The following PELP1 variants were observed in gnomAD, a reference collection of about 807,000 sequenced individuals.
PELP1 encodes the protein proline, glutamate and leucine rich protein 1, also known as proline-, glutamic acid- and leucine-rich protein 1.
Under a neutral mutation model 95.5 loss-of-function variants are expected in PELP1, and 32 were observed. That is an observed-to-expected ratio of 0.34 (90% CI 0.25 to 0.45). The LOEUF (loss-of-function observed/expected upper bound fraction) is 0.45. Among genes scored for constraint, PELP1 ranks in the 20% least tolerant of loss-of-function variants. The probability of loss-of-function intolerance (pLI) is 1.00; values close to 1 mark genes in which losing one functional copy is unlikely to be tolerated. For synonymous variants in PELP1, 668 were observed against 600.1 expected, an observed-to-expected ratio of 1.11 and a Z score of -1.65; for missense variants, 1,358 against 1,444.8, an observed-to-expected ratio of 0.94 and a Z score of 0.97.
At position 4,671,748 on chromosome 17, in the gene PELP1, C is replaced by G. The variant is rs1912210841; in HGVS notation, c.3243G>C (p.Glu1081Asp). ...TCTCCATCTCTTCTTCTGCAGGTGT[C>G]TCTGGTGGGGGCTGCACCTTGTCAC... ...DGSDKVQPPPETPAEEEMETE... is the reference protein window; with the variant it reads ...DGSDKVQPPPDTPAEEEMETE... The change falls in exon 16 of 17, where the codon GAG (glutamate) becomes GAC (aspartate). Residue 1081 changes from glutamate (E) to aspartate (D), a missense_variant. Coordinates refer to ENST00000572293, the MANE Select transcript of PELP1 (RefSeq NM_014389.3). The G allele has an allele frequency of 6.5e-7, 1 of 1,531,008 alleles. No homozygotes were observed. The highest frequency in any genetic ancestry group is 8.7e-7 in the Non-Finnish European group (1 of 1,144,364). 94.8% of individuals were successfully genotyped at this position (1,531,008 alleles called of 1,614,324 possible).
At position 4,681,528 on chromosome 17, in the gene PELP1, G is replaced by A. The variant is rs181122797; in HGVS notation, c.642+974C>T. On this transcript the variant is annotated intron_variant, in intron 5 of 16. Transcript: ENST00000572293. Reference sequence around the variant, plus strand: ...TCAAAAAAAAATAAAATGGCCAGGCGCAGTAGCTAATGCCTGTAATCCCAG... The same window carrying A: ...TCAAAAAAAAATAAAATGGCCAGGCACAGTAGCTAATGCCTGTAATCCCAG... Among the ~76,000 whole-genome samples the A allele has an allele frequency of 4.5e-3, 673 of 151,058 alleles. 1 individual carries two copies. Among genetic ancestry groups the A allele is most frequent in the African/African-American group, 0.015 (617 of 41,130 alleles).
chr17:4,672,539 T>C lies in PELP1; in HGVS notation c.2452A>G (p.Thr818Ala). Reference sequence around the variant, plus strand: ...TTCGCTGGCACAGGAGGGGAGGCTGTTGGTGGCCCAGTGGGGGCTATAGGG... The same window carrying C: ...TTCGCTGGCACAGGAGGGGAGGCTGCTGGTGGCCCAGTGGGGGCTATAGGG... ...PPPIAPTGPPTASPPVPAKEE... is the reference protein window; with the variant it reads ...PPPIAPTGPPAASPPVPAKEE... The change falls in exon 16 of 17, where the codon ACA becomes GCA. Residue 818 changes from threonine to alanine, a missense_variant. Around this residue, in one of 7 missense-constraint regions of PELP1, gnomAD observed 340 missense variants for 322.9 expected, o/e 1.05. Transcript: ENST00000572293. 2 of 1,329,780 alleles carry C rather than the reference T, an allele frequency of 1.5e-6. No individual in the cohort carries two copies. The highest frequency in any genetic ancestry group is 2.0e-6 in the Non-Finnish European group (2 of 1,014,838). The allele number at this position is 1,329,780 out of a possible 1,614,324, so 82.4% of individuals were successfully genotyped here.
intron 1 of PELP1, among the ~76,000 whole-genome samples, chr17:4,701,327 G>C (rs945472449): frequency 8.6e-5 from 13 of 151,544 alleles, no homozygotes; most frequent in African/African-American, 3.2e-4. Flanking sequence ...TGAGAGTTGG[G>C]GGGGTGGGGG....
rs1377908025 is a variant in PELP1, at chr17:4,691,400, G to A, written c.292C>T (p.Arg98Cys). The A allele has an allele frequency of 1.2e-6, 2 of 1,613,464 alleles. No individual in the cohort carries two copies. The highest frequency in any genetic ancestry group is 2.2e-5 in the South Asian group (2 of 91,068). ...LGALVSLSNA[R>C]LSSIKTRFEG... ...TACCGAGTTTTGATGGAACTGAGAC[G>A]TGCATTACTGAGACTCACCAATGCC... Residue 98 changes from arginine to cysteine, a missense_variant, in exon 2 of 17, where the codon CGT (arginine) becomes TGT (cysteine). This residue lies in a region of PELP1 where 169 missense variants were observed against 134.9 expected (regional missense o/e 1.25). Coordinates refer to ENST00000572293, the MANE Select transcript of PELP1 (RefSeq NM_014389.3).
At position 4,704,047 on chromosome 17, in the gene PELP1, C is replaced by T; in HGVS notation, c.65G>A (p.Gly22Glu). ...GSAAGVPGGT[G>E]GLSAVSSGPR... The stretch of plus-strand genomic sequence containing the variant: ...GCCCGAGCTCACTGCCGAGAGACCC[C>T]CGGTCCCGCCAGGAACCCCAGCCGC... Residue 22 changes from glycine to glutamate, a missense_variant, in exon 1 of 17, where the codon GGG becomes GAG. Transcript: ENST00000572293. 1 of 1,612,626 alleles carries T rather than the reference C, an allele frequency of 6.2e-7. No individual in the cohort carries two copies. Among genetic ancestry groups the T allele is most frequent in the Middle Eastern group, 1.7e-4 (1 of 6,058 alleles).
At chr17:4,674,738 T>A in intron 12 of PELP1, 69 bp from the exon 13 acceptor site, 1 of 1,586,922 alleles carries the variant, frequency 6.3e-7, no homozygotes, top group East Asian at 2.2e-5. Flanking sequence ...CAGCAGACAG[T>A]GTTTCCTGAG....
chr17:4,672,090 T>C lies in PELP1; in HGVS notation c.2901A>G (p.Thr967=). ...LEEVEDLEFG[T]AGGEVEEGAP... is the part of the protein sequence containing the mutation. ...CACCTTCTTCTACCTCCCCTCCTGC[T>C]GTGCCAAACTCCAGGTCTTCCACCT... The change falls in exon 16 of 17, where the codon ACA becomes ACG. Residue 967 remains threonine, a synonymous_variant. Transcript: ENST00000572293. 1 of 1,555,138 alleles carries C rather than the reference T, an allele frequency of 6.4e-7. No individual in the cohort carries two copies. The highest frequency in any genetic ancestry group is 8.7e-7 in the Non-Finnish European group (1 of 1,148,910).
chr17:4,697,766 G>A (rs915834214), intron 1 of PELP1, among the ~76,000 whole-genome samples: 16 of 152,020 alleles, frequency 1.1e-4, no homozygotes, highest in East Asian at 1.9e-4. Flanking sequence ...TGAGTTCAAC[G>A]GAACAACCAT....
Position 4,690,911 on chromosome 17 carries a change from G to T in PELP1, c.397C>A (p.Arg133=). 6.2e-7 allele frequency: 1 copy of T among 1,613,470 alleles called. No individual in the cohort carries two copies. The part of the protein sequence containing the change: ...LFQQHCVSWL[R]SIQQVLQTQD... Reference sequence around the variant, plus strand: ...ACCTGTAACACCTGCTGAATGCTCCGAAGCCAAGACACACAGTGCTGCTGG... The same window carrying T: ...ACCTGTAACACCTGCTGAATGCTCCTAAGCCAAGACACACAGTGCTGCTGG... Residue 133 remains arginine (R), a synonymous_variant, in exon 3 of 17, where the codon CGG becomes AGG. Coordinates refer to ENST00000572293, the MANE Select transcript of PELP1 (RefSeq NM_014389.3).
At position 4,671,849 on chromosome 17, in the gene PELP1, G is replaced by A. The variant is rs370921446; in HGVS notation, c.3142C>T (p.Pro1048Ser). ...TCTTCAACAAGCTCCTGGGGAGGGG[G>A]CCCTGCCGCAGGGCTTTCCCCTTCC... ...EREGESPAAG[P>S]PPQELVEEEP... Residue 1048 changes from proline (P) to serine (S), a missense_variant, in exon 16 of 17, where the codon CCC (proline) becomes TCC (serine). By Grantham distance (74) the Pro-to-Ser change is moderately conservative. This residue lies in a region of PELP1 where 283 missense variants were observed against 284.1 expected (regional missense o/e 1.00). Coordinates refer to ENST00000572293, the MANE Select transcript of PELP1 (RefSeq NM_014389.3). 5 of 1,512,000 alleles carry A rather than the reference G, an allele frequency of 3.3e-6. No homozygotes were observed. The highest frequency in any genetic ancestry group is 1.8e-6 in the Non-Finnish European group (2 of 1,134,604). The allele number at this position is 1,512,000 out of a possible 1,614,324, so 93.7% of individuals were successfully genotyped here. A position where few individuals can be genotyped will look rare whatever the true frequency, so the allele number is the denominator to read the frequency against.
chr17:4,692,631 CA>C (rs1567667298), intron 1 of PELP1, among the ~76,000 whole-genome samples: 1 of 151,850 alleles, frequency 6.6e-6, no homozygotes, highest in African/African-American at 2.4e-5. Context: ...AAAAATAAAG[CA>C]GAGTAAGGAA....
At chr17:4,693,876 G>T (rs182656411) in intron 1 of PELP1, among the ~76,000 whole-genome samples, 253 of 152,238 alleles carry the variant, frequency 1.7e-3, no homozygotes, top group African/African-American at 5.3e-3. Context: ...GATAAGAGGG[G>T]ACTATTGCAT....
At position 4,674,531 on chromosome 17, in the gene PELP1, C is replaced by T. The variant is rs761991475; in HGVS notation, c.1561G>A (p.Val521Met). 3.1e-6 allele frequency: 5 copies of T among 1,613,048 alleles called. No homozygotes were observed. Among genetic ancestry groups the T allele is most frequent in the East Asian group, 4.5e-5 (2 of 44,874 alleles). Reference sequence around the variant, plus strand: ...CCACCTCTGAGTGCAGCCGCACACACGTCGCTGTTGGCATTGCTATCCCCT... The same window carrying T: ...CCACCTCTGAGTGCAGCCGCACACATGTCGCTGTTGGCATTGCTATCCCCT... ...RKGDSNANSD[V>M]CAAALRGLSR... is the part of the protein sequence containing the mutation. The change falls in exon 13 of 17, where the codon GTG (valine) becomes ATG (methionine). Residue 521 changes from valine (V) to methionine (M), a missense_variant. Val to Met is a conservative substitution (Grantham distance 21). Around this residue, in one of 7 missense-constraint regions of PELP1, gnomAD observed 538 missense variants for 628.1 expected, o/e 0.86. Transcript: ENST00000572293.
chr17:4,683,603 T>A (rs1912798829), intron 3 of PELP1, among the ~76,000 whole-genome samples: 1 of 147,118 alleles, frequency 6.8e-6, no homozygotes, highest in Admixed American at 6.9e-5. Context: ...CAATCTCAGC[T>A]CACTGCAACC....
chr17:4,693,533 T>C (rs1352225466), intron 1 of PELP1, among the ~76,000 whole-genome samples: 1 of 152,230 alleles, frequency 6.6e-6, no homozygotes, highest in Non-Finnish European at 1.5e-5. Flanking sequence ...CCAGCATCTC[T>C]ACTCTTACGC....
intron 1 of PELP1, among the ~76,000 whole-genome samples, chr17:4,697,973 G>A (rs1196994176): frequency 6.7e-6 from 1 of 149,114 alleles, no homozygotes; most frequent in Non-Finnish European, 1.5e-5. Flanking sequence ...TGCTCCTGAT[G>A]TGATGCACCA....
intron 1 of PELP1, among the ~76,000 whole-genome samples, chr17:4,698,958 T>A (rs2150566876): frequency 6.6e-6 from 1 of 152,144 alleles, no homozygotes; most frequent in Middle Eastern, 3.4e-3. Flanking sequence ...CCAGAAAAAA[T>A]ATCTGAAAGA....
chr17:4,693,072 C>T (rs1913172028), intron 1 of PELP1, among the ~76,000 whole-genome samples: 1 of 152,148 alleles, frequency 6.6e-6, no homozygotes, highest in Non-Finnish European at 1.5e-5. Context: ...TGTATTGATA[C>T]TCTCAAATAT....
At chr17:4,676,233 C>A (rs775002447) in intron 7 of PELP1, 71 bp from the exon 8 acceptor site, 2 of 1,594,140 alleles carry the variant, frequency 1.3e-6, no homozygotes, top group Non-Finnish European at 1.7e-6. Flanking sequence ...TGGTGGACGA[C>A]CTGCCTGTAT....
Sources: gnomAD v4.1 joint callset for allele counts (sites outside exome capture counted in the v4.1 genomes callset) on GRCh38, gnomAD v4.1.1 for gene constraint, gnomAD v4.1.1 regional missense constraint, MANE v1.5 for transcripts, NCBI Gene and HGNC (gene_info 2026-07-23, HGNC 2026-07-21) for gene names.